Variants in CDCP1 observed in about 807,000 individuals in gnomAD.
CDCP1 encodes CUB domain containing protein 1.
Under a neutral mutation model 60.2 loss-of-function variants are expected in CDCP1, and 29 were observed. The ratio of observed to expected loss-of-function variants is 0.48; its 90% confidence interval spans 0.36 to 0.66. The LOEUF (loss-of-function observed/expected upper bound fraction) is 0.66. CDCP1 is among the 30% of genes least tolerant of loss of function. The pLI, the probability that CDCP1 is intolerant of heterozygous loss-of-function variation, is 0.00. For missense variants in CDCP1, 876 were observed against 1,074.3 expected, an observed-to-expected ratio of 0.82 and a Z score of 2.58; for synonymous variants, 387 against 431.1, an observed-to-expected ratio of 0.90 and a Z score of 1.27.
At chr3:45,133,439 C>T (rs1699132898) in intron 1 of CDCP1, among the ~76,000 whole-genome samples, 1 of 141,622 alleles carries the variant, frequency 7.1e-6, no homozygotes, top group East Asian at 2.1e-4. Flanking sequence ...GAACTCTTGG[C>T]TGGGCATGGT....
At chr3:45,100,230 G>C (rs549674351) in intron 4 of CDCP1, among the ~76,000 whole-genome samples, 3 of 152,186 alleles carry the variant, frequency 2.0e-5, no homozygotes, top group African/African-American at 7.2e-5. Flanking sequence ...GGGCACCAGG[G>C]AAGGAAGGAT....
Position 45,089,047 on chromosome 3 carries a change from C to T in CDCP1, c.2081+7G>A, listed in dbSNP as rs1698246711. The T allele has an allele frequency of 6.2e-7, 1 of 1,609,600 alleles. No homozygotes were observed. Among genetic ancestry groups the T allele is most frequent in the Non-Finnish European group, 8.5e-7 (1 of 1,176,016 alleles). On this transcript the variant is annotated splice_region_variant and intron_variant, in intron 8 of 8. Coordinates refer to ENST00000296129, the MANE Select transcript of CDCP1 (RefSeq NM_022842.5). ...ATCAGATAAAGAGAGTAAGAGATTC[C>T]ACCTACTTCTTTTTCACACAGCAAA...
At chr3:45,087,439 A>G (rs894161715) in intron 8 of CDCP1, among the ~76,000 whole-genome samples, 1 of 152,100 alleles carries the variant, frequency 6.6e-6, no homozygotes. Context: ...TCCTTGTCCA[A>G]TTCCCTCCTG....
At chr3:45,130,251 A>T in intron 1 of CDCP1, among the ~76,000 whole-genome samples, 1 of 151,450 alleles carries the variant, frequency 6.6e-6, no homozygotes, top group Non-Finnish European at 1.5e-5. Context: ...TCTCCTGGAT[A>T]GCTGGGACCT....
intron 1 of CDCP1, among the ~76,000 whole-genome samples, chr3:45,138,266 A>C (rs1699223152): frequency 6.6e-6 from 1 of 152,214 alleles, no homozygotes; most frequent in African/African-American, 2.4e-5. Flanking sequence ...GAGCAGCTTC[A>C]CTTCTAGGAA....
chr3:45,146,258 G>T lies in CDCP1; in HGVS notation c.30C>A (p.Ile10=), dbSNP rs748532655. 2.5e-6 allele frequency: 4 copies of T among 1,592,572 alleles called. No individual in the cohort carries two copies. Among genetic ancestry groups the T allele is most frequent in the South Asian group, 1.1e-5 (1 of 88,700 alleles). MAGLNCGVS[I]ALLGVLLLGA... is the part of the protein sequence containing the mutation. ...CCAGCAGCAGAACCCCTAGCAGTGC[G>T]ATAGAGACCCCGCAGTTCAGGCCGG... is the stretch of plus-strand genomic sequence containing the variant. The change falls in exon 1 of 9, where the codon ATC becomes ATA. Residue 10 remains isoleucine, a synonymous_variant. Transcript: ENST00000296129.
At position 45,095,452 on chromosome 3, in the gene CDCP1, G is replaced by A; in HGVS notation, c.1141C>T (p.Arg381Trp). Residue 381 changes from arginine (R) to tryptophan (W), a missense_variant, in exon 5 of 9, where the codon CGG becomes TGG. Arg to Trp is a moderately radical substitution (Grantham distance 101, BLOSUM62 -3). This residue lies in a region of CDCP1 where 726 missense variants were observed against 935.7 expected (regional missense o/e 0.78). Transcript: ENST00000296129. ...VPGCFVCLES[R>W]TCSSNLTLTS... Reference sequence around the variant, plus strand: ...AGGGTGAGGTTGCTACTGCAGGTCCGAGATTCTAGACACACGAAACAGCCA... The same window carrying A: ...AGGGTGAGGTTGCTACTGCAGGTCCAAGATTCTAGACACACGAAACAGCCA... 12 of 1,614,174 alleles carry A rather than the reference G, an allele frequency of 7.4e-6. No homozygotes were observed. The highest frequency in any genetic ancestry group is 1.3e-5 in the African/African-American group (1 of 75,044).
At chr3:45,119,935 T>C (rs147206260) in intron 1 of CDCP1, among the ~76,000 whole-genome samples, 17 of 152,362 alleles carry the variant, frequency 1.1e-4, no homozygotes, top group African/African-American at 3.4e-4. Flanking sequence ...TGGAAGCCTA[T>C]AGTACTTTCT....
chr3:45,146,170 A>T, intron 1 of CDCP1, 36 bp downstream of exon 1: 1 of 1,547,992 alleles, frequency 6.5e-7, no homozygotes, highest in East Asian at 2.6e-5. Flanking sequence ...CTAGCTCACC[A>T]CTCCACGCCA....
intron 1 of CDCP1, among the ~76,000 whole-genome samples, chr3:45,133,855 C>T (rs1699147344): frequency 6.6e-6 from 1 of 152,052 alleles, no homozygotes; most frequent in Admixed American, 6.6e-5. Context: ...AAGCCCTGGG[C>T]AATCAATCAG....
intron 5 of CDCP1, among the ~76,000 whole-genome samples, chr3:45,095,020 G>A (rs1187510199): frequency 1.3e-5 from 2 of 149,158 alleles, no homozygotes; most frequent in African/African-American, 2.5e-5. Context: ...TGCAACCTCC[G>A]CCTCCCAGGT....
At chr3:45,136,310 T>C (rs1199335316) in intron 1 of CDCP1, among the ~76,000 whole-genome samples, 4 of 152,204 alleles carry the variant, frequency 2.6e-5, no homozygotes, top group African/African-American at 9.6e-5. Context: ...TGGGTCAAAG[T>C]ACTTTCCTTT....
Position 45,091,206 on chromosome 3 carries a change from G to A in CDCP1, c.1960C>T (p.Leu654Phe). 2 of 1,613,782 alleles carry A rather than the reference G, an allele frequency of 1.2e-6. No homozygotes were observed. Among genetic ancestry groups the A allele is most frequent in the Non-Finnish European group, 1.7e-6 (2 of 1,179,982 alleles). The change falls in exon 7 of 9, where the codon CTC becomes TTC. Residue 654 changes from leucine to phenylalanine, a missense_variant. By Grantham distance (22) the Leu-to-Phe change is conservative. Coordinates refer to ENST00000296129, the MANE Select transcript of CDCP1 (RefSeq NM_022842.5). This position sits in a 1 kb window ranked among gnomAD's most constrained non-coding sequence, Gnocchi z 4.8. ...CTTGGGGTAAGTGTCACCGAGAAGA[G>A]CAGGTCTAGCTGCTTGCCGCTCGTG... The part of the protein sequence containing the change: ...SPTSGKQLDL[L>F]FSVTLTPRTV...
chr3:45,095,557 C>T lies in CDCP1; in HGVS notation c.1036G>A (p.Val346Met), dbSNP rs150523759. 16 of 1,613,950 alleles carry T rather than the reference C, an allele frequency of 9.9e-6. No individual in the cohort carries two copies. The highest frequency in any genetic ancestry group is 6.7e-5 in the African/African-American group (5 of 74,994). The change falls in exon 5 of 9, where the codon GTG becomes ATG. Residue 346 changes from valine to methionine, a missense_variant. Physicochemically the swap from Val to Met is conservative, Grantham distance 21 (BLOSUM62 1). Transcript: ENST00000296129. ...GCTCGCTCATTACTCAAGTCAACCA[C>T]GTAGATTTTATCTGAAACCACAAAC... is the stretch of plus-strand genomic sequence containing the variant. ...HPQNESNKIY[V>M]VDLSNERAMS... is the part of the protein sequence containing the mutation.
intron 1 of CDCP1, among the ~76,000 whole-genome samples, chr3:45,137,166 T>A (rs560650857): frequency 1.3e-3 from 192 of 152,376 alleles, no homozygotes; most frequent in Non-Finnish European, 2.3e-3. Flanking sequence ...ATTCCAGAAG[T>A]AATCTATGAA....
chr3:45,126,116 T>TTCTTTC, intron 1 of CDCP1, among the ~76,000 whole-genome samples: 1 of 95,468 alleles, frequency 1.0e-5, no homozygotes. Context: ...CTCTCTTTCT[T>TTCTTTC]TCTTTCTTTC....
intron 7 of CDCP1, among the ~76,000 whole-genome samples, chr3:45,089,713 G>T (rs1048320695): frequency 6.6e-6 from 1 of 152,308 alleles, no homozygotes; most frequent in Admixed American, 6.5e-5. Context: ...GGGGTAGTTT[G>T]TATATAGCAA....
chr3:45,085,709 C>A lies in CDCP1; in HGVS notation c.2440G>T (p.Gly814Trp). 6.2e-7 allele frequency: 1 copy of A among 1,614,154 alleles called. No homozygotes were observed. Among genetic ancestry groups the A allele is most frequent in the South Asian group, 1.1e-5 (1 of 91,078 alleles). The change falls in exon 9 of 9, where the codon GGG becomes TGG. Residue 814 changes from glycine to tryptophan, a missense_variant. This residue lies in a region of CDCP1 where 726 missense variants were observed against 935.7 expected (regional missense o/e 0.78). Coordinates refer to ENST00000296129, the MANE Select transcript of CDCP1 (RefSeq NM_022842.5). The surrounding 1 kb of genome is among the most constrained non-coding windows in gnomAD (Gnocchi z 4.2). ...TCTGTGTCCTTGCTGCTTACATCCC[C>A]ATTGTTGGGATGGGAGAAGGTGTAC... ...EPYTFSHPNN[G>W]DVSSKDTDIP...
intron 5 of CDCP1, among the ~76,000 whole-genome samples, chr3:45,094,860 C>T (rs934719731): frequency 3.3e-5 from 5 of 151,882 alleles, no homozygotes; most frequent in Non-Finnish European, 7.4e-5. Flanking sequence ...GCAGGCTCTA[C>T]CTGAGGCTGG....
Sources: gnomAD v4.1 joint callset for allele counts (sites outside exome capture counted in the v4.1 genomes callset) on GRCh38, gnomAD v4.1.1 for gene constraint, gnomAD v4.1.1 regional missense constraint, Gnocchi (gnomAD v3.1) non-coding constraint, MANE v1.5 for transcripts, NCBI Gene and HGNC (gene_info 2026-07-23, HGNC 2026-07-21) for gene names.